Variants in ERMP1 observed in about 807,000 individuals in gnomAD.
ERMP1 encodes the protein endoplasmic reticulum metallopeptidase 1.
Under a neutral mutation model 92.0 loss-of-function variants are expected in ERMP1, and 86 were observed. That is an observed-to-expected ratio of 0.93 (90% CI 0.79 to 1.12). ERMP1 has a LOEUF of 1.12. Among genes scored for constraint, ERMP1 ranks in the 50% most tolerant of loss-of-function variants. The pLI, the probability that ERMP1 is intolerant of heterozygous loss-of-function variation, is 0.00. For synonymous variants in ERMP1, 530 were observed against 412.8 expected, an observed-to-expected ratio of 1.28 and a Z score of -3.44; for missense variants, 1,342 against 1,116.3, an observed-to-expected ratio of 1.20 and a Z score of -2.88.
rs534623264 is a variant in ERMP1 at position 5,826,935 on chromosome 9, C to G, written c.641-1716G>C. Among the ~76,000 whole-genome samples, 3 of 152,214 alleles carry G rather than the reference C, an allele frequency of 2.0e-5. No individual in the cohort carries two copies. In the East Asian group the frequency reaches 5.8e-4, roughly 29 times the overall value. ...CGTTAAAAGAGAACTACAGAAGAGT[C>G]AAATATCTTTAAGAAAGGGAAGGAA... On this transcript the variant is annotated intron_variant, in intron 2 of 14. Coordinates refer to ENST00000339450, the MANE Select transcript of ERMP1 (RefSeq NM_024896.3).
chr9:5,818,492 G>A lies in ERMP1; in HGVS notation c.874+5404C>T, dbSNP rs186088218. Among the ~76,000 whole-genome samples the A allele has an allele frequency of 5.1e-4, 77 of 152,282 alleles. 2 individuals carry two copies. The East Asian group carries it at 0.013, about 26-fold the overall frequency. On this transcript the variant is annotated intron_variant, in intron 4 of 14. Transcript: ENST00000339450. ...GCACTTTGGGAGGCCAAGGAAGGAA[G>A]ACTGCTTAAGTCCAGAAGTTTGAGA...
intron 13 of ERMP1, among the ~76,000 whole-genome samples, chr9:5,790,667 A>G (rs1172742565): frequency 6.6e-6 from 1 of 152,242 alleles, no homozygotes; most frequent in Non-Finnish European, 1.5e-5. Flanking sequence ...GGCATTAAAT[A>G]TAAAAGGGGC....
At chr9:5,817,210 CAG>C (rs764932744) in intron 4 of ERMP1, among the ~76,000 whole-genome samples, 55 of 149,796 alleles carry the variant, frequency 3.7e-4, no homozygotes, top group Admixed American at 4.7e-4. Context: ...TTTTTTGAGA[CAG>C]AGTCTCTCGC....
At chr9:5,827,746 G>A (rs1308472728) in intron 2 of ERMP1, among the ~76,000 whole-genome samples, 2 of 152,110 alleles carry the variant, frequency 1.3e-5, no homozygotes, top group Non-Finnish European at 2.9e-5. Context: ...GAACCCGGGA[G>A]GCGGAGGTTG....
chr9:5,861,931 G>A (rs1343729903), intron 5 of ERMP1, among the ~76,000 whole-genome samples: 1 of 151,740 alleles, frequency 6.6e-6, no homozygotes, highest in African/African-American at 2.4e-5. Context: ...ATAATCAGGG[G>A]CTGTCCCTCT....
chr9:5,811,436 G>T, intron 6 of ERMP1, 113 bp from the exon 7 acceptor site: 1 of 737,922 alleles, frequency 1.4e-6, no homozygotes, highest in Non-Finnish European at 2.2e-6. Flanking sequence ...ACCATATACT[G>T]TTTGAATGAA....
At chr9:5,838,259 A>T (rs2129726975) in intron 6 of ERMP1, among the ~76,000 whole-genome samples, 1 of 152,264 alleles carries the variant, frequency 6.6e-6, no homozygotes, top group East Asian at 1.9e-4. Flanking sequence ...AAGAATTCAC[A>T]GGCAGGGTGC....
At chr9:5,803,128 C>A (rs922577319) in intron 10 of ERMP1, among the ~76,000 whole-genome samples, 1 of 152,162 alleles carries the variant, frequency 6.6e-6, no homozygotes, top group Non-Finnish European at 1.5e-5. Context: ...TCCCCAAGGA[C>A]TGAAGGGAAA....
intron 13 of ERMP1, among the ~76,000 whole-genome samples, chr9:5,787,876 A>G (rs1398108940): frequency 5.3e-5 from 8 of 152,198 alleles, no homozygotes; most frequent in African/African-American, 1.9e-4. Context: ...CTATGTCACA[A>G]TTTCTTCATT....
upstream of ERMP1, among the ~76,000 whole-genome samples, chr9:5,834,315 T>TTCTAAATTAGGAAATTC (rs1830055056): frequency 6.6e-6 from 1 of 152,184 alleles, no homozygotes; most frequent in Admixed American, 6.5e-5. Flanking sequence ...CAAGCAAGAA[T>TTCTAAATTAGGAAATTC]CTCCTAATTT....
chr9:5,817,636 G>C (rs1019134601), intron 4 of ERMP1, among the ~76,000 whole-genome samples: 8 of 152,210 alleles, frequency 5.3e-5, no homozygotes, highest in African/African-American at 1.9e-4. Flanking sequence ...GATGCTTCCA[G>C]CTTCTTGTGT....
chr9:5,800,615 G>A (rs1375336358), intron 11 of ERMP1, among the ~76,000 whole-genome samples: 3 of 152,170 alleles, frequency 2.0e-5, no homozygotes, highest in Non-Finnish European at 4.4e-5. Context: ...GGCAGAGGTT[G>A]CAGTGAGCCA....
At chr9:5,799,604 T>C (rs745780176) in intron 11 of ERMP1, among the ~76,000 whole-genome samples, 1 of 152,218 alleles carries the variant, frequency 6.6e-6, no homozygotes, top group Non-Finnish European at 1.5e-5. Flanking sequence ...CTGACTGTTT[T>C]TATATACGAA....
intron 5 of ERMP1, among the ~76,000 whole-genome samples, chr9:5,866,207 G>A (rs1033086897): frequency 2.0e-5 from 3 of 152,186 alleles, no homozygotes; most frequent in African/African-American, 7.2e-5. Flanking sequence ...GTTTCCATTG[G>A]TGTTGGGACT....
rs1447082030 is a variant in ERMP1 at position 5,798,862 on chromosome 9, C to A, written c.2214G>T (p.Glu738Asp). The A allele has an allele frequency of 6.2e-7, 1 of 1,613,916 alleles. No individual in the cohort carries two copies. Among genetic ancestry groups the A allele is most frequent in the South Asian group, 1.1e-5 (1 of 91,078 alleles). The change falls in exon 12 of 15, where the codon GAG becomes GAT. Residue 738 changes from glutamate (E) to aspartate (D), a missense_variant. Transcript: ENST00000339450. ...GAAAACCACAAAGAGGTGCATTCTC[C>A]TCACAGTGAGCTCGGATACTATCAT... ...EINDSIRAHC[E>D]ENAPLCGFPW...
At chr9:5,837,343 C>T (rs1312182359), upstream of ERMP1, among the ~76,000 whole-genome samples, 1 of 152,074 alleles carries the variant, frequency 6.6e-6, no homozygotes, top group African/African-American at 2.4e-5. Context: ...CACACACATC[C>T]ACACACACCC....
intron 4 of ERMP1, among the ~76,000 whole-genome samples, chr9:5,814,431 T>C (rs771246387): frequency 5.3e-5 from 8 of 152,142 alleles, no homozygotes; most frequent in Non-Finnish European, 1.0e-4. Flanking sequence ...GATTATAAAA[T>C]TGCTTTCCTA....
intron 4 of ERMP1, among the ~76,000 whole-genome samples, chr9:5,814,061 G>C (rs917668822): frequency 3.3e-5 from 5 of 152,006 alleles, no homozygotes; most frequent in Non-Finnish European, 7.4e-5. Flanking sequence ...ACTTGCTCTA[G>C]CCAACAGACT....
At chr9:5,807,392 C>T (rs1006560559) in intron 8 of ERMP1, among the ~76,000 whole-genome samples, 1 of 152,154 alleles carries the variant, frequency 6.6e-6, no homozygotes, top group Admixed American at 6.5e-5. Flanking sequence ...TTTATACATT[C>T]CCACCTTAAA....
Sources: gnomAD v4.1 joint callset for allele counts (sites outside exome capture counted in the v4.1 genomes callset) on GRCh38, gnomAD v4.1.1 for gene constraint, MANE v1.5 for transcripts, NCBI Gene and HGNC (gene_info 2026-07-23, HGNC 2026-07-21) for gene names.